CKAP2: variants seen among roughly 807,000 people sequenced by gnomAD.
CKAP2 encodes the protein cytoskeleton associated protein 2.
CKAP2 carries 46 observed loss-of-function variants against 58.4 expected under a neutral mutation model. The ratio of observed to expected loss-of-function variants is 0.79; its 90% CI spans 0.62 to 1.01. The LOEUF (loss-of-function observed/expected upper bound fraction) is 1.01, where lower values mean the gene tolerates loss of function less well. Among genes scored for constraint, CKAP2 ranks in the 50% least tolerant of loss-of-function variants. The pLI, the probability that CKAP2 is intolerant of heterozygous loss-of-function variation, is 0.00. For missense variants in CKAP2, 809 were observed against 796.4 expected (o/e 1.02, Z -0.19); for synonymous variants, 293 against 280.9 (o/e 1.04, Z -0.43).
chr13:52,465,831 T>C (rs767300148), intron 6 of CKAP2: 5 of 396,114 alleles, frequency 1.3e-5, no homozygotes, highest in Non-Finnish European at 2.5e-5. Flanking sequence ...TTAAATTCGC[T>C]TTTTAAATGT....
chr13:52,455,582 A>G lies in CKAP2; in HGVS notation c.26A>G (p.Asp9Gly). 6.2e-7 allele frequency: 1 copy of G among 1,612,230 alleles called. No individual in the cohort carries two copies. Among genetic ancestry groups the G allele is most frequent in the Non-Finnish European group, 8.5e-7 (1 of 1,179,566 alleles). The change falls in exon 1 of 9, where the codon GAC (aspartate) becomes GGC (glycine). Residue 9 changes from aspartate to glycine, a missense_variant. Around this residue, in one of 3 missense-constraint regions of CKAP2, gnomAD observed 523 missense variants for 492.4 expected, o/e 1.06. Transcript: ENST00000258607. ...ATGAGCACACCGGCCGTGCCCCAGGACCTGCAGCTGCCCCCGAGTCAGAGG... is the reference window on the plus strand; with the variant it reads ...ATGAGCACACCGGCCGTGCCCCAGGGCCTGCAGCTGCCCCCGAGTCAGAGG... MSTPAVPQ[D>G]LQLPPSQRAQ...
chr13:52,457,204 G>A (rs7339070), intron 2 of CKAP2, among the ~76,000 whole-genome samples: 165 of 152,086 alleles, frequency 1.1e-3, no homozygotes, highest in African/African-American at 3.8e-3. Flanking sequence ...CTAGATTATC[G>A]TTTTCTACGT....
chr13:52,471,409 A>G (rs1958759915), intron 7 of CKAP2, among the ~76,000 whole-genome samples: 1 of 152,126 alleles, frequency 6.6e-6, no homozygotes, highest in Admixed American at 6.5e-5. Flanking sequence ...GCTTTCTGAA[A>G]TGTATAATTG....
rs2137880745 is a variant in CKAP2, at chr13:52,475,997, AATACTT to A, written c.*857_*862del. ...TAGCATTTCTAAGATAACTGATACTAATACTTGTTTTCTTCCCTATAACATAAAAAA... is the reference window on the plus strand; with the variant it reads ...TAGCATTTCTAAGATAACTGATACTAGTTTTCTTCCCTATAACATAAAAAA... On this transcript the variant is annotated 3_prime_UTR_variant, in exon 9 of 9. Coordinates refer to ENST00000258607, the MANE Select transcript of CKAP2 (RefSeq NM_018204.5). The A allele has an allele frequency of 6.6e-6, 1 of 152,304 alleles. No homozygotes were observed. The highest frequency in any genetic ancestry group is 1.9e-4 in the East Asian group (1 of 5,188). 9.4% of individuals were successfully genotyped at this position (152,304 alleles called of 1,614,324 possible). A position where few individuals can be genotyped will look rare whatever the true frequency, so the allele number is the denominator to read the frequency against.
In CKAP2 at chr13:52,468,263, A is replaced by G. The variant is rs770049123; in HGVS notation, c.1477-15A>G. The G allele has an allele frequency of 5.9e-6, 9 of 1,522,120 alleles. No individual in the cohort carries two copies. The highest frequency in any genetic ancestry group is 1.7e-4 in the Middle Eastern group (1 of 5,784). 94.3% of individuals were successfully genotyped at this position (1,522,120 alleles called of 1,614,324 possible). A position where few individuals can be genotyped will look rare whatever the true frequency, so the allele number is the denominator to read the frequency against. ...AAACTTACATGGATCTGCTTTCTTC[A>G]TTAAAAAAATTAAGCCTATTGAAGA... On this transcript the variant is annotated splice_polypyrimidine_tract_variant and intron_variant, in intron 6 of 8. Transcript: ENST00000258607.
intron 7 of CKAP2, 41 bp downstream of exon 7, chr13:52,468,388 T>G (rs772180076): frequency 6.4e-5 from 73 of 1,140,876 alleles, no homozygotes; most frequent in East Asian, 1.9e-4. Flanking sequence ...TGAACTGTAG[T>G]TTTTTTTTGT....
At chr13:52,460,599 C>T (rs1003249128) in intron 2 of CKAP2, among the ~76,000 whole-genome samples, 4 of 148,680 alleles carry the variant, frequency 2.7e-5, no homozygotes, top group Non-Finnish European at 3.0e-5. Flanking sequence ...ACTACAAGCG[C>T]CCGCCACCAT....
intron 7 of CKAP2, among the ~76,000 whole-genome samples, chr13:52,468,996 A>G (rs1020669570): frequency 1.3e-5 from 2 of 152,166 alleles, no homozygotes; most frequent in Admixed American, 1.3e-4. Flanking sequence ...CCCACCAACA[A>G]TGTAAACGCA....
chr13:52,456,033 G>A, intron 1 of CKAP2: 1 of 1,041,960 alleles, frequency 9.6e-7, no homozygotes, highest in Non-Finnish European at 1.2e-6. Flanking sequence ...GGCTGGGGTC[G>A]CATCATGTGT....
At position 52,461,189 on chromosome 13, in the gene CKAP2, G is replaced by A; in HGVS notation, c.363G>A (p.Lys121=). The part of the protein sequence containing the change: ...STVVIDTHKP[K]DSNQTPHLLL... ...TAGTAATTGACACACATAAACCTAA[G>A]GATAGTAATCAAACTCCGCATTTGT... is the stretch of plus-strand genomic sequence containing the variant. The change falls in exon 4 of 9, where the codon AAG becomes AAA. Residue 121 remains lysine, a synonymous_variant. Transcript: ENST00000258607. 5 of 1,613,870 alleles carry A rather than the reference G, an allele frequency of 3.1e-6. No homozygotes were observed. Among genetic ancestry groups the A allele is most frequent in the Non-Finnish European group, 4.2e-6 (5 of 1,179,992 alleles).
intron 2 of CKAP2, among the ~76,000 whole-genome samples, chr13:52,456,974 C>T (rs1377828987): frequency 6.6e-6 from 1 of 151,966 alleles, no homozygotes; most frequent in Non-Finnish European, 1.5e-5. Context: ...CTCACTGCAG[C>T]CTCCACCTTC....
intron 5 of CKAP2, among the ~76,000 whole-genome samples, chr13:52,464,846 A>G (rs1958641286): frequency 6.6e-6 from 1 of 152,200 alleles, no homozygotes; most frequent in South Asian, 2.1e-4. Context: ...GAACACCAGT[A>G]AAAGTTACAA....
chr13:52,473,030 G>A (rs1260757739), intron 7 of CKAP2, among the ~76,000 whole-genome samples: 2 of 151,160 alleles, frequency 1.3e-5, no homozygotes, highest in Non-Finnish European at 2.9e-5. Context: ...GTGACAGAAC[G>A]GCAGACACCC....
chr13:52,462,167 A>T (rs1279584103), intron 4 of CKAP2, among the ~76,000 whole-genome samples, 196 bp from the exon 5 acceptor site: 2 of 152,220 alleles, frequency 1.3e-5, no homozygotes, highest in Non-Finnish European at 2.9e-5. Flanking sequence ...ATACTTTATA[A>T]TCTCAAATCA....
chr13:52,458,143 A>C (rs1958517107), intron 2 of CKAP2, among the ~76,000 whole-genome samples: 1 of 152,216 alleles, frequency 6.6e-6, no homozygotes, highest in Admixed American at 6.5e-5. Context: ...GTTTAAGACA[A>C]AAAGGTGATC....
intron 7 of CKAP2, 183 bp from the exon 8 acceptor site, chr13:52,473,646 A>T: frequency 1.9e-6 from 1 of 514,422 alleles, no homozygotes; most frequent in East Asian, 3.0e-5. Context: ...CATTTATTTC[A>T]TTTTATAATA....
chr13:52,456,240 C>A, intron 1 of CKAP2: 1 of 971,248 alleles, frequency 1.0e-6, no homozygotes. Context: ...TAAAGCTTGG[C>A]TAGCAGGAGC....
intron 2 of CKAP2, 24 bp from the exon 3 acceptor site, chr13:52,460,875 T>C (rs1014596543): frequency 4.4e-6 from 7 of 1,603,906 alleles, no homozygotes; most frequent in Non-Finnish European, 5.1e-6. Context: ...TGATTGATCA[T>C]TTTGTTTGTT....
At chr13:52,472,699 C>T (rs1958776668) in intron 7 of CKAP2, among the ~76,000 whole-genome samples, 1 of 152,124 alleles carries the variant, frequency 6.6e-6, no homozygotes, top group Admixed American at 6.5e-5. Context: ...GGATAAGACG[C>T]TCCTAATACA....
Sources: allele counts gnomAD v4.1 joint callset (sites outside exome capture counted in the v4.1 genomes callset), GRCh38; gene constraint gnomAD v4.1.1; regional missense constraint gnomAD v4.1.1; transcripts MANE v1.5; gene names NCBI Gene and HGNC (gene_info 2026-07-23, HGNC 2026-07-21).